SLC25A13: variants seen among roughly 807,000 people sequenced by gnomAD.
SLC25A13 encodes the protein electrogenic aspartate/glutamate antiporter SLC25A13, mitochondrial.
SLC25A13 carries 70 observed loss-of-function variants against 85.5 expected under a neutral mutation model. The observed-to-expected ratio is 0.82, with a 90% CI of 0.68 to 1.00. The LOEUF (loss-of-function observed/expected upper bound fraction) is 1.00, where lower values mean the gene tolerates loss of function less well. Among genes scored for constraint, SLC25A13 ranks in the 50% least tolerant of loss-of-function variants. SLC25A13 has a pLI of 0.00. For synonymous variants in SLC25A13, 259 were observed against 288.7 expected, an observed-to-expected ratio of 0.90 and a Z score of 1.04; for missense variants, 765 against 819.8, an observed-to-expected ratio of 0.93 and a Z score of 0.82.
intron 3 of SLC25A13, among the ~76,000 whole-genome samples, chr7:96,239,007 T>C (rs1256418786): frequency 1.4e-5 from 2 of 143,706 alleles, no homozygotes; most frequent in Non-Finnish European, 3.0e-5. Flanking sequence ...GACATATATA[T>C]AATATATATT....
chr7:96,248,350 G>A (rs567356389), intron 3 of SLC25A13, among the ~76,000 whole-genome samples: 10 of 152,250 alleles, frequency 6.6e-5, no homozygotes, highest in African/African-American at 2.2e-4. Context: ...CAAGGGCAGG[G>A]GGACTCATAG....
chr7:96,252,176 A>G (rs1410002252), intron 3 of SLC25A13, among the ~76,000 whole-genome samples: 2 of 151,922 alleles, frequency 1.3e-5, no homozygotes, highest in African/African-American at 4.8e-5. Flanking sequence ...CTTTTTTTGT[A>G]TTATCCTTGC....
intron 4 of SLC25A13, among the ~76,000 whole-genome samples, chr7:96,214,973 C>G (rs1374864395): frequency 6.6e-6 from 1 of 152,128 alleles, no homozygotes; most frequent in Non-Finnish European, 1.5e-5. Flanking sequence ...AATGGCAATA[C>G]TCCCTAAAAT....
rs1799810099 is a variant in SLC25A13 at position 96,307,861 on chromosome 7, C to G, written c.16-10910G>C. Among the ~76,000 whole-genome samples, 4 of 152,008 alleles carry G rather than the reference C, an allele frequency of 2.6e-5. No homozygotes were observed. The South Asian group carries it at 8.3e-4, about 31-fold the overall frequency. On this transcript the variant is annotated intron_variant, in intron 1 of 17. Coordinates refer to ENST00000265631, the MANE Select transcript of SLC25A13 (RefSeq NM_014251.3). ...TTTGCAATGGAACATTTAAATCTGA[C>G]TCCACTGCGGCCGGGCGCAGTGGCT...
chr7:96,155,273 C>A (rs1362759372), intron 13 of SLC25A13, among the ~76,000 whole-genome samples: 1 of 152,146 alleles, frequency 6.6e-6, no homozygotes, highest in Non-Finnish European at 1.5e-5. Context: ...TTCTCTCTTA[C>A]CAGTTGTGTA....
rs539978425 is a variant in SLC25A13, at chr7:96,167,578, T to A, written c.1311+2467A>T. On this transcript the variant is annotated intron_variant, in intron 13 of 17. Transcript: ENST00000265631. ...AGCCATGTGTACTAATTCTCAGTAA[T>A]CATGAAGCAAGGTGAGCTCCCCAGG... 1.8e-4 allele frequency among the ~76,000 whole-genome samples: 28 copies of A among 152,302 alleles called. No individual in the cohort carries two copies. In the South Asian group the frequency reaches 3.5e-3, roughly 19 times the overall value.
At chr7:96,167,084 T>G (rs1793785175) in intron 13 of SLC25A13, 1 of 152,228 alleles carries the variant, frequency 6.6e-6, no homozygotes, top group Non-Finnish European at 1.5e-5. Flanking sequence ...AGTTTTGTCT[T>G]AAAACATGCT....
At chr7:96,128,547 C>T (rs1323511179) in intron 15 of SLC25A13, among the ~76,000 whole-genome samples, 5 of 152,122 alleles carry the variant, frequency 3.3e-5, no homozygotes, top group Admixed American at 1.3e-4. Flanking sequence ...AGGGCAAACT[C>T]GGTATTTTCC....
At chr7:96,286,643 T>C (rs1051322406) in intron 2 of SLC25A13, among the ~76,000 whole-genome samples, 5 of 151,958 alleles carry the variant, frequency 3.3e-5, no homozygotes, top group African/African-American at 1.2e-4. Flanking sequence ...GCTTCTGGGG[T>C]TTTTTACACT....
Position 96,322,069 on chromosome 7 carries a change from G to C in SLC25A13, c.-113C>G, listed in dbSNP as rs1346924910. On this transcript the variant is annotated 5_prime_UTR_variant, in exon 1 of 18. Coordinates refer to ENST00000265631, the MANE Select transcript of SLC25A13 (RefSeq NM_014251.3). The stretch of plus-strand genomic sequence containing the variant: ...GCGGCGGCGGTGGGGGCGGCGATAC[G>C]GCCAGGCAGCGTGCGTTCCTGGCCT... 3 of 1,412,492 alleles carry C rather than the reference G, an allele frequency of 2.1e-6. No individual in the cohort carries two copies. The highest frequency in any genetic ancestry group is 4.1e-5 in the Admixed American group (2 of 48,254). The allele number at this position is 1,412,492 out of a possible 1,614,324, so 87.5% of individuals were successfully genotyped here.
chr7:96,139,945 C>CTTTTTTTTTTTTTT (rs59749381), intron 14 of SLC25A13, among the ~76,000 whole-genome samples: 5 of 86,372 alleles, frequency 5.8e-5, no homozygotes, highest in African/African-American at 2.2e-4. Context: ...GATTTCCATT[C>CTTTTTTTTTTTTTT]TTTTTTTTTT....
chr7:96,220,045 C>T (rs148435812), intron 4 of SLC25A13, among the ~76,000 whole-genome samples: 29 of 152,274 alleles, frequency 1.9e-4, no homozygotes, highest in African/African-American at 6.7e-4. Context: ...TGTTTAGAGG[C>T]ATATAGCAGA....
chr7:96,122,532 A>G (rs1791555497), intron 15 of SLC25A13, among the ~76,000 whole-genome samples: 1 of 151,982 alleles, frequency 6.6e-6, no homozygotes, highest in South Asian at 2.1e-4. Flanking sequence ...AAAAGACTTT[A>G]CTGATATCTA....
intron 1 of SLC25A13, among the ~76,000 whole-genome samples, chr7:96,319,717 T>C (rs1800266544): frequency 1.3e-5 from 2 of 152,154 alleles, no homozygotes; most frequent in Non-Finnish European, 1.5e-5. Context: ...TACTTTCCCT[T>C]TGTCCTGTTT....
At chr7:96,184,725 A>T (rs1171255043) in intron 10 of SLC25A13, among the ~76,000 whole-genome samples, 2 of 152,198 alleles carry the variant, frequency 1.3e-5, no homozygotes, top group Non-Finnish European at 2.9e-5. Flanking sequence ...ATAGAGGAAA[A>T]TGCCACTTGT....
intron 4 of SLC25A13, among the ~76,000 whole-genome samples, chr7:96,230,873 C>T (rs1300918301): frequency 1.3e-5 from 2 of 152,178 alleles, no homozygotes; most frequent in Non-Finnish European, 2.9e-5. Flanking sequence ...CTTTGGGAGG[C>T]CAAGGTGGGT....
intron 6 of SLC25A13, 92 bp from the exon 7 acceptor site, chr7:96,191,339 A>T (rs1013619675): frequency 7.7e-6 from 10 of 1,304,270 alleles, no homozygotes; most frequent in Admixed American, 5.5e-5. Context: ...GTTTGAAAGT[A>T]ATCAAAAATG....
chr7:96,272,481 T>A (rs1376282105), intron 3 of SLC25A13, among the ~76,000 whole-genome samples: 1 of 152,184 alleles, frequency 6.6e-6, no homozygotes, highest in East Asian at 1.9e-4. Flanking sequence ...CAGAGCTTTG[T>A]TCCTAAGCAC....
chr7:96,151,303 A>G (rs1199937482), intron 13 of SLC25A13, among the ~76,000 whole-genome samples: 7 of 152,314 alleles, frequency 4.6e-5, no homozygotes, highest in South Asian at 2.1e-4. Flanking sequence ...TAAGAGTTCT[A>G]TAAGAATTCT....
Sources: gnomAD v4.1 joint callset for allele counts (sites outside exome capture counted in the v4.1 genomes callset) on GRCh38, gnomAD v4.1.1 for gene constraint, MANE v1.5 for transcripts, NCBI Gene and HGNC (gene_info 2026-07-23, HGNC 2026-07-21) for gene names.